The following CNR1 variants were observed in gnomAD, a reference collection of about 807,000 sequenced individuals.
CNR1 encodes cannabinoid receptor 1 (brain).
A neutral mutation model predicts 23.0 loss-of-function variants in CNR1; 10 were observed. The observed-to-expected ratio is 0.43, with a 90% CI of 0.27 to 0.74. The LOEUF (loss-of-function observed/expected upper bound fraction) is 0.74, where lower values mean the gene tolerates loss of function less well. Ranked by LOEUF, CNR1 falls within the 30% of genes least tolerant of loss-of-function variation. The pLI, the probability that CNR1 is intolerant of heterozygous loss-of-function variation, is 0.19. For missense variants in CNR1, 422 were observed against 618.8 expected (o/e 0.68, Z 3.37); for synonymous variants, 271 against 255.2 (o/e 1.06, Z -0.59).
chr6:88,159,110 G>C (rs1195918725), intron 1 of CNR1, among the ~76,000 whole-genome samples: 1 of 152,164 alleles, frequency 6.6e-6, no homozygotes, highest in Admixed American at 6.5e-5. Flanking sequence ...GCTATGCAAA[G>C]CTTTATAGGG....
At chr6:88,157,188 T>C (rs1777847963) in intron 1 of CNR1, among the ~76,000 whole-genome samples, 3 of 152,214 alleles carry the variant, frequency 2.0e-5, no homozygotes, top group African/African-American at 4.8e-5. Flanking sequence ...ATTACTATTA[T>C]AATGGACTTT....
At chr6:88,166,622 C>T (rs1285613131), upstream of CNR1, among the ~76,000 whole-genome samples, 1 of 152,192 alleles carries the variant, frequency 6.6e-6, no homozygotes, top group Non-Finnish European at 1.5e-5. Context: ...CCGGAGGCCC[C>T]CGCTGCCATG....
intron 1 of CNR1, among the ~76,000 whole-genome samples, chr6:88,161,510 T>C (rs1460547697): frequency 6.6e-6 from 1 of 152,216 alleles, no homozygotes. Flanking sequence ...CAATGGAAAC[T>C]AGATCAAGAA....
At chr6:88,145,430 G>A in intron 1 of CNR1, 93 bp from the exon 2 acceptor site, 1 of 638,164 alleles carries the variant, frequency 1.6e-6, no homozygotes. Context: ...TACTGTCATG[G>A]CAACTCATTC....
In CNR1 at chr6:88,145,332, G is replaced by T; in HGVS notation, c.-58C>A. 7.2e-7 allele frequency: 1 copy of T among 1,391,798 alleles called. No individual in the cohort carries two copies. The highest frequency in any genetic ancestry group is 9.9e-7 in the Non-Finnish European group (1 of 1,007,092). 86.2% of individuals were successfully genotyped at this position (1,391,798 alleles called of 1,614,324 possible). A position where few individuals can be genotyped will look rare whatever the true frequency, so the allele number is the denominator to read the frequency against. ...TGACTGAGAAAGTGACCCACAGGGG[G>T]CAATCCTAAGAGGAGGGAAAACAAA... On this transcript the variant is annotated 5_prime_UTR_variant, in exon 2 of 2. The change creates a premature stop within an existing upstream ORF in the 5' untranslated region. Transcript: ENST00000369501.
rs1018517188 is a variant in CNR1 at position 88,166,031 on chromosome 6, G to C, written c.-292C>G. The C allele has an allele frequency of 6.5e-6, 1 of 152,766 alleles. No homozygotes were observed. The highest frequency in any genetic ancestry group is 1.5e-5 in the Non-Finnish European group (1 of 68,484). The allele number at this position is 152,766 out of a possible 1,614,324, so 9.5% of individuals were successfully genotyped here. On this transcript the variant is annotated 5_prime_UTR_variant, in exon 1 of 2. Transcript: ENST00000369501. The stretch of plus-strand genomic sequence containing the variant: ...AGGGGTGGCAGAGGGAGTAGCGTGC[G>C]GGAGGCGGCGCCGGCGCCGGGCTGC...
intron 1 of CNR1, among the ~76,000 whole-genome samples, chr6:88,157,840 A>T (rs920592224): frequency 1.6e-4 from 25 of 152,236 alleles, no homozygotes; most frequent in Non-Finnish European, 1.3e-4. Flanking sequence ...TAGGGACTAA[A>T]ATGGAATATT....
chr6:88,148,550 A>G (rs1459051146), intron 1 of CNR1, among the ~76,000 whole-genome samples: 1 of 152,122 alleles, frequency 6.6e-6, no homozygotes, highest in East Asian at 1.9e-4. Context: ...CCCAATGCTG[A>G]TTAAAAAAAA....
intron 1 of CNR1, among the ~76,000 whole-genome samples, chr6:88,164,000 T>C (rs1302492006): frequency 2.0e-5 from 3 of 152,216 alleles, no homozygotes; most frequent in Non-Finnish European, 4.4e-5. Flanking sequence ...AATTTAAAAC[T>C]TTACACACTA....
At chr6:88,145,448 T>C (rs1371269594) in intron 1 of CNR1, 111 bp from the exon 2 acceptor site, 3 of 606,228 alleles carry the variant, frequency 4.9e-6, no homozygotes, top group Non-Finnish European at 8.8e-6. Flanking sequence ...TTCCTGTCTC[T>C]GAACAGTAGG....
In CNR1 at chr6:88,143,632, T is replaced by C; in HGVS notation, c.*224A>G. 4.1e-6 allele frequency: 2 copies of C among 488,034 alleles called. No individual in the cohort carries two copies. Among genetic ancestry groups the C allele is most frequent in the Non-Finnish European group, 7.2e-6 (2 of 276,190 alleles). 30.2% of individuals were successfully genotyped at this position (488,034 alleles called of 1,614,324 possible). On this transcript the variant is annotated 3_prime_UTR_variant, in exon 2 of 2. Transcript: ENST00000369501. ...ATTGAGACTTTGAAGGATCGTTCAG[T>C]CACTTAAACAACAGGCTTTCTTCAC...
At chr6:88,155,762 T>C (rs1486257654) in intron 1 of CNR1, among the ~76,000 whole-genome samples, 2 of 152,248 alleles carry the variant, frequency 1.3e-5, no homozygotes, top group African/African-American at 4.8e-5. Context: ...AACTCTGCAT[T>C]AGTACCTTGT....
intron 1 of CNR1, among the ~76,000 whole-genome samples, chr6:88,155,045 A>C (rs1047599331): frequency 3.9e-5 from 6 of 152,374 alleles, no homozygotes; most frequent in Non-Finnish European, 1.5e-5. Flanking sequence ...GGTCCACAAA[A>C]TGTGTAGAAA....
chr6:88,154,759 A>C (rs1336207290), intron 1 of CNR1, among the ~76,000 whole-genome samples: 1 of 152,060 alleles, frequency 6.6e-6, no homozygotes, highest in East Asian at 1.9e-4. Context: ...ATATATTTTT[A>C]GTAGAGACAG....
intron 1 of CNR1, among the ~76,000 whole-genome samples, chr6:88,163,604 G>A (rs542620558): frequency 1.3e-5 from 2 of 152,324 alleles, no homozygotes; most frequent in Admixed American, 1.3e-4. Context: ...CTTTGCCTTA[G>A]TAATTAATAA....
At chr6:88,157,127 A>G (rs1777843683) in intron 1 of CNR1, among the ~76,000 whole-genome samples, 1 of 152,228 alleles carries the variant, frequency 6.6e-6, no homozygotes, top group East Asian at 1.9e-4. Context: ...CACAACCTTG[A>G]ATGAATCTTA....
intron 1 of CNR1, among the ~76,000 whole-genome samples, chr6:88,162,340 A>T (rs1001392591): frequency 4.6e-5 from 7 of 152,244 alleles, no homozygotes; most frequent in African/African-American, 1.7e-4. Context: ...TGTAAATAAA[A>T]GTGTGTTTCT....
rs767998702 is a variant in CNR1 at position 88,143,913 on chromosome 6, G to C, written c.1362C>G (p.Val454=). Residue 454 remains valine (V), a synonymous_variant, in exon 2 of 2, where the codon GTC becomes GTG. Transcript: ENST00000369501. ...RAAESCIKST[V]KIAKVTMSVS... ...CAGACATGGTTACCTTGGCAATCTT[G>C]ACCGTGCTCTTGATGCAGCTTTCTG... The C allele has an allele frequency of 6.2e-7, 1 of 1,614,110 alleles. No homozygotes were observed. Among genetic ancestry groups the C allele is most frequent in the Non-Finnish European group, 8.5e-7 (1 of 1,180,022 alleles).
intron 1 of CNR1, among the ~76,000 whole-genome samples, chr6:88,148,113 C>T (rs1777305122): frequency 6.6e-6 from 1 of 152,204 alleles, no homozygotes; most frequent in Admixed American, 6.5e-5. Flanking sequence ...AATTTTAGTT[C>T]CATAAACACA....
Sources: gnomAD v4.1 joint callset for allele counts (sites outside exome capture counted in the v4.1 genomes callset) on GRCh38, gnomAD v4.1.1 for gene constraint, MANE v1.5 for transcripts, NCBI Gene and HGNC (gene_info 2026-07-23, HGNC 2026-07-21) for gene names.